VPS54: variants seen among roughly 807,000 people sequenced by gnomAD.
VPS54 encodes the protein vacuolar protein sorting-associated protein 54.
A neutral mutation model predicts 121.5 loss-of-function variants in VPS54; 45 were observed. That is an observed-to-expected ratio of 0.37 (90% CI 0.29 to 0.47). The LOEUF (loss-of-function observed/expected upper bound fraction) is 0.47, where lower values mean the gene tolerates loss of function less well. Among genes scored for constraint, VPS54 ranks in the 20% least tolerant of loss-of-function variants. VPS54 has a pLI of 0.99. For synonymous variants in VPS54, 371 were observed against 385.8 expected (o/e 0.96, Z 0.45); for missense variants, 1,090 against 1,131.4 (o/e 0.96, Z 0.52).
rs974419663 is a variant in VPS54 at position 63,899,355 on chromosome 2, AATG to A, written c.2733+116_2733+118del. 5.3e-5 allele frequency: 44 copies of A among 823,490 alleles called. 1 individual carries two copies. The South Asian group carries it at 8.2e-4, about 15-fold the overall frequency. 51.0% of individuals were successfully genotyped at this position (823,490 alleles called of 1,614,324 possible). The stretch of plus-strand genomic sequence containing the variant: ...ACCAGTCAATATAACAATGTAAAAA[AATG>A]ATAATCATATTGGAACATGAACAGC... On this transcript the variant is annotated intron_variant, in intron 21 of 22. Transcript: ENST00000272322.
intron 10 of VPS54, 67 bp from the exon 11 acceptor site, chr2:63,942,628 C>A (rs1015625901): frequency 2.3e-6 from 3 of 1,318,974 alleles, no homozygotes; most frequent in Middle Eastern, 2.1e-4. Flanking sequence ...CATCTACAAA[C>A]TGGAAGAAAT....
At chr2:64,009,616 T>C (rs1489946433) in intron 1 of VPS54, among the ~76,000 whole-genome samples, 1 of 151,522 alleles carries the variant, frequency 6.6e-6, no homozygotes, top group African/African-American at 2.4e-5. Context: ...ATGCCCAGCC[T>C]ACATTTTCAT....
intron 20 of VPS54, among the ~76,000 whole-genome samples, chr2:63,908,950 C>G (rs1403193951): frequency 2.0e-5 from 3 of 152,170 alleles, no homozygotes; most frequent in African/African-American, 7.2e-5. Flanking sequence ...AATGAATTGC[C>G]TTAAAATTTC....
intron 1 of VPS54, among the ~76,000 whole-genome samples, chr2:64,011,580 T>A (rs1447780182): frequency 6.6e-6 from 1 of 151,590 alleles, no homozygotes; most frequent in Non-Finnish European, 1.5e-5. Flanking sequence ...AAAAAAAAAA[T>A]TGATTAAGGG....
At chr2:63,955,090 AC>A (rs1228183720) in intron 7 of VPS54, among the ~76,000 whole-genome samples, 2 of 152,082 alleles carry the variant, frequency 1.3e-5, no homozygotes. Context: ...TTTCAAAGAT[AC>A]CTAATGAAAT....
Position 63,914,283 on chromosome 2 carries a change from C to T in VPS54, c.2233G>A (p.Val745Ile), listed in dbSNP as rs778148390. The T allele has an allele frequency of 1.5e-5, 24 of 1,602,954 alleles. No individual in the cohort carries two copies. Among genetic ancestry groups the T allele is most frequent in the Non-Finnish European group, 1.9e-5 (22 of 1,174,738 alleles). Residue 745 changes from valine (V) to isoleucine (I), a missense_variant, in exon 17 of 23, where the codon GTA (valine) becomes ATA (isoleucine). This residue lies in a region of VPS54 where 289 missense variants were observed against 374.4 expected (regional missense o/e 0.77). Coordinates refer to ENST00000272322, the MANE Select transcript of VPS54 (RefSeq NM_016516.3). Reference sequence around the variant, plus strand: ...AGGATAATTCTTATTAACAGCAATACGGTTCTACAAGAAAAGAAAAATGGC... The same window carrying T: ...AGGATAATTCTTATTAACAGCAATATGGTTCTACAAGAAAAGAAAAATGGC... ...EGQQYAVVGT[V>I]LLLIRIILEY...
intron 2 of VPS54, among the ~76,000 whole-genome samples, chr2:63,982,528 G>A (rs1029667413): frequency 2.0e-5 from 3 of 152,176 alleles, no homozygotes; most frequent in Non-Finnish European, 2.9e-5. Flanking sequence ...TTCATCAACT[G>A]ATCAATACAT....
intron 4 of VPS54, among the ~76,000 whole-genome samples, chr2:63,970,871 G>A (rs1376855114): frequency 1.3e-5 from 2 of 152,000 alleles, no homozygotes; most frequent in Non-Finnish European, 2.9e-5. Flanking sequence ...AACGTCCTTG[G>A]ATTCAACTAC....
intron 12 of VPS54, among the ~76,000 whole-genome samples, chr2:63,924,768 C>T (rs890952095): frequency 2.0e-5 from 3 of 152,248 alleles, no homozygotes; most frequent in South Asian, 2.1e-4. Context: ...GAAACAGATA[C>T]GCCTATCTGA....
chr2:63,976,846 T>TTTTTTTTTTTTTA (rs1676558931), intron 3 of VPS54, among the ~76,000 whole-genome samples: 1 of 135,748 alleles, frequency 7.4e-6, no homozygotes, highest in African/African-American at 2.6e-5. Flanking sequence ...TTTTTTTTTT[T>TTTTTTTTTTTTTA]GAGACAGAGT....
intron 10 of VPS54, among the ~76,000 whole-genome samples, chr2:63,943,970 G>A (rs368636011): frequency 2.6e-5 from 4 of 151,112 alleles, no homozygotes; most frequent in South Asian, 2.1e-4. Context: ...GGGCTCAAGC[G>A]ATTCTCCCAC....
intron 20 of VPS54, among the ~76,000 whole-genome samples, chr2:63,905,197 A>G (rs974942850): frequency 4.6e-5 from 7 of 152,196 alleles, no homozygotes; most frequent in African/African-American, 1.2e-4. Context: ...TAGAAAATAA[A>G]TAACACAGAC....
chr2:63,998,725 T>C (rs143356253), intron 1 of VPS54, among the ~76,000 whole-genome samples: 32 of 152,238 alleles, frequency 2.1e-4, no homozygotes, highest in Non-Finnish European at 4.0e-4. Flanking sequence ...TTATAGCTTT[T>C]TGTTGTTTCT....
chr2:63,963,823 A>G (rs1675872582), intron 6 of VPS54, among the ~76,000 whole-genome samples: 2 of 152,288 alleles, frequency 1.3e-5, no homozygotes, highest in East Asian at 3.9e-4. Flanking sequence ...TGGAGAATAG[A>G]TAACTTTAGG....
intron 20 of VPS54, among the ~76,000 whole-genome samples, chr2:63,907,726 C>A (rs994881003): frequency 1.3e-5 from 2 of 152,062 alleles, no homozygotes; most frequent in Non-Finnish European, 2.9e-5. Context: ...ATATAAGGAA[C>A]ACTTATAAGA....
chr2:63,999,531 T>TCCTTTGTC (rs58566437), intron 1 of VPS54, among the ~76,000 whole-genome samples: 1 of 151,970 alleles, frequency 6.6e-6, no homozygotes, highest in Non-Finnish European at 1.5e-5. Flanking sequence ...TTTATCCTTG[T>TCCTTTGTC]CTTTGGGAAT....
Position 63,933,937 on chromosome 2 carries a change from A to G in VPS54, c.1475T>C (p.Ile492Thr), listed in dbSNP as rs1266665826. 9.9e-6 allele frequency: 16 copies of G among 1,613,480 alleles called. No homozygotes were observed. The highest frequency in any genetic ancestry group is 1.4e-5 in the Non-Finnish European group (16 of 1,179,762). ...TTTTGCAGCATTCTTCTGTTGTGAA[A>G]TCTCTTCCAATTCTCTAGTCCTTTG... ...KNQRTRELEE[I>T]SQQKNAAKDN... Residue 492 changes from isoleucine to threonine, a missense_variant, in exon 12 of 23, where the codon ATT (isoleucine) becomes ACT (threonine). Physicochemically the swap from Ile to Thr is moderately conservative, Grantham distance 89 (BLOSUM62 -1). Coordinates refer to ENST00000272322, the MANE Select transcript of VPS54 (RefSeq NM_016516.3).
Position 63,933,947 on chromosome 2 carries a change from A to T in VPS54, c.1465T>A (p.Leu489Met), listed in dbSNP as rs367549997. The T allele has an allele frequency of 6.2e-7, 1 of 1,613,600 alleles. No homozygotes were observed. The highest frequency in any genetic ancestry group is 8.5e-7 in the Non-Finnish European group (1 of 1,179,736). The part of the protein sequence containing the change: ...VLDKNQRTRE[L>M]EEISQQKNAA... ...TTCTTCTGTTGTGAAATCTCTTCCA[A>T]TTCTCTAGTCCTTTGGTTTTTGTCA... The change falls in exon 12 of 23, where the codon TTG becomes ATG. Residue 489 changes from leucine to methionine, a missense_variant. By Grantham distance (15) the Leu-to-Met change is conservative. Coordinates refer to ENST00000272322, the MANE Select transcript of VPS54 (RefSeq NM_016516.3).
At chr2:63,948,694 G>A (rs200591847) in intron 8 of VPS54, among the ~76,000 whole-genome samples, 3 of 151,924 alleles carry the variant, frequency 2.0e-5, no homozygotes, top group East Asian at 1.9e-4. Flanking sequence ...GAGCCAATGC[G>A]CCCAACTATG....
Sources: allele counts gnomAD v4.1 joint callset (sites outside exome capture counted in the v4.1 genomes callset), GRCh38; gene constraint gnomAD v4.1.1; regional missense constraint gnomAD v4.1.1; transcripts MANE v1.5; gene names NCBI Gene and HGNC (gene_info 2026-07-23, HGNC 2026-07-21).